MC2R: variants seen among roughly 807,000 people sequenced by gnomAD.
MC2R encodes adrenocorticotropic hormone receptor.
MC2R carries 9 observed loss-of-function variants against 9.8 expected under a neutral mutation model. That is an observed-to-expected ratio of 0.92 (90% confidence interval 0.55 to 1.60). The LOEUF (loss-of-function observed/expected upper bound fraction) is 1.60, where lower values mean the gene tolerates loss of function less well. MC2R is among the 40% of genes most tolerant of loss of function. The pLI, the probability that MC2R is intolerant of heterozygous loss-of-function variation, is 0.00. For synonymous variants in MC2R, 185 were observed against 154.7 expected (o/e 1.20, Z -1.45); for missense variants, 370 against 389.0 (o/e 0.95, Z 0.41).
chr18:13,883,018 C>A lies in MC2R; in HGVS notation c.*1607G>T, dbSNP rs988005030. The A allele has an allele frequency of 1.3e-5, 2 of 152,288 alleles. No homozygotes were observed. The highest frequency in any genetic ancestry group is 4.8e-5 in the African/African-American group (2 of 41,446). The allele number at this position is 152,288 out of a possible 1,614,324, so 9.4% of individuals were successfully genotyped here. A position where few individuals can be genotyped will look rare whatever the true frequency, so the allele number is the denominator to read the frequency against. On this transcript the variant is annotated 3_prime_UTR_variant, in exon 2 of 2. Transcript: ENST00000327606. ...GCCTGCCACTGTCCTCACTTGACTCCAGCTGCCTTGCCTCCTTTGCTTCTG... is the reference window on the plus strand; with the variant it reads ...GCCTGCCACTGTCCTCACTTGACTCAAGCTGCCTTGCCTCCTTTGCTTCTG...
At chr18:13,891,708 T>C (rs1209053890) in intron 1 of MC2R, among the ~76,000 whole-genome samples, 2 of 152,184 alleles carry the variant, frequency 1.3e-5, no homozygotes, top group African/African-American at 4.8e-5. Flanking sequence ...GACATTCCAG[T>C]TGGGGCAATC....
intron 1 of MC2R, among the ~76,000 whole-genome samples, chr18:13,899,870 A>G (rs140113440): frequency 0.025 from 3,841 of 152,286 alleles, 123 homozygotes; most frequent in African/African-American, 0.088. Flanking sequence ...GAGTACTTCA[A>G]TCAGAAAGAA....
Position 13,884,951 on chromosome 18 carries a change from G to A in MC2R, c.568C>T (p.Leu190=). The A allele has an allele frequency of 6.2e-7, 1 of 1,614,146 alleles. No homozygotes were observed. The highest frequency in any genetic ancestry group is 1.7e-5 in the Admixed American group (1 of 60,020). ...AGGAACATGTGCACATAGAGGCACA[G>A]GATGAAGACCAGCATCAGCGGGAAC... ...SLFPLMLVFI[L]CLYVHMFLLA... The change falls in exon 2 of 2, where the codon CTG becomes TTG. Residue 190 remains leucine (L), a synonymous_variant. Coordinates refer to ENST00000327606, the MANE Select transcript of MC2R (RefSeq NM_000529.2).
At chr18:13,909,000 T>C (rs1306216879) in intron 1 of MC2R, among the ~76,000 whole-genome samples, 1 of 152,150 alleles carries the variant, frequency 6.6e-6, no homozygotes, top group African/African-American at 2.4e-5. Flanking sequence ...TGTTATTAAC[T>C]AAAGTCCATG....
intron 1 of MC2R, among the ~76,000 whole-genome samples, chr18:13,898,672 G>C (rs1206165639): frequency 6.6e-6 from 1 of 152,246 alleles, no homozygotes; most frequent in Non-Finnish European, 1.5e-5. Flanking sequence ...GCTCAGAAGA[G>C]AGAGAGAGAC....
At position 13,882,481 on chromosome 18, in the gene MC2R, G is replaced by T. The variant is rs1355952256; in HGVS notation, c.*2144C>A. The T allele has an allele frequency of 6.6e-6, 1 of 152,194 alleles. No individual in the cohort carries two copies. Among genetic ancestry groups the T allele is most frequent in the Non-Finnish European group, 1.5e-5 (1 of 68,030 alleles). 9.4% of individuals were successfully genotyped at this position (152,194 alleles called of 1,614,324 possible). On this transcript the variant is annotated 3_prime_UTR_variant, in exon 2 of 2. Coordinates refer to ENST00000327606, the MANE Select transcript of MC2R (RefSeq NM_000529.2). ...CTAGCCATCTTCATTTTGTTTCTTA[G>T]ATTAACTGCAACAAATCAAAGGCAG...
chr18:13,914,298 G>C (rs1050583958), intron 1 of MC2R, among the ~76,000 whole-genome samples: 1 of 152,234 alleles, frequency 6.6e-6, no homozygotes, highest in African/African-American at 2.4e-5. Flanking sequence ...CTCTTTGTGG[G>C]TGTGTGTCCT....
chr18:13,907,178 A>G (rs1056435256), intron 1 of MC2R, among the ~76,000 whole-genome samples: 28 of 152,250 alleles, frequency 1.8e-4, no homozygotes, highest in African/African-American at 5.1e-4. Context: ...ACAGTTACAC[A>G]GATAAATGGA....
chr18:13,885,082 C>G lies in MC2R; in HGVS notation c.437G>C (p.Arg146Pro). The change falls in exon 2 of 2, where the codon CGC becomes CCC. Residue 146 changes from arginine to proline, a missense_variant. Physicochemically the swap from Arg to Pro is moderately radical, Grantham distance 103 (BLOSUM62 -2). Coordinates refer to ENST00000327606, the MANE Select transcript of MC2R (RefSeq NM_000529.2). ...LRYHSIVTMRRTVVVLTVIWT... is the reference protein window; with the variant it reads ...LRYHSIVTMRPTVVVLTVIWT... ...GATGACCGTAAGCACCACCACAGTG[C>G]GGCGCATGGTCACGATGCTGTGGTA... The G allele has an allele frequency of 6.2e-7, 1 of 1,614,090 alleles. No homozygotes were observed. Among genetic ancestry groups the G allele is most frequent in the Non-Finnish European group, 8.5e-7 (1 of 1,179,986 alleles).
At chr18:13,906,900 C>G (rs2045417506) in intron 1 of MC2R, among the ~76,000 whole-genome samples, 1 of 152,162 alleles carries the variant, frequency 6.6e-6, no homozygotes, top group South Asian at 2.1e-4. Flanking sequence ...GAACAATATT[C>G]TATGCTCATG....
At chr18:13,913,401 T>G (rs1473663780) in intron 1 of MC2R, among the ~76,000 whole-genome samples, 1 of 152,218 alleles carries the variant, frequency 6.6e-6, no homozygotes, top group Non-Finnish European at 1.5e-5. Flanking sequence ...GTTTTGATGC[T>G]GGGACACCTA....
intron 1 of MC2R, among the ~76,000 whole-genome samples, chr18:13,907,054 G>A (rs957747387): frequency 2.0e-5 from 3 of 152,194 alleles, no homozygotes; most frequent in Non-Finnish European, 4.4e-5. Flanking sequence ...AAAAGACCCT[G>A]AATAGCTAAA....
chr18:13,915,247 G>A lies in MC2R; in HGVS notation c.-129+241C>T, dbSNP rs191448630. 1.4e-4 allele frequency among the ~76,000 whole-genome samples: 21 copies of A among 152,250 alleles called. 1 individual carries two copies. Among genetic ancestry groups the A allele is most frequent in the Admixed American group, 1.1e-3 (17 of 15,304 alleles). The stretch of plus-strand genomic sequence containing the variant: ...TGACAATTTGAAGAGTACTAGAGAA[G>A]CCAATAAATTCATTAATAGGGAAGA... On this transcript the variant is annotated intron_variant, in intron 1 of 1. Transcript: ENST00000327606.
chr18:13,908,080 C>T (rs555378403), intron 1 of MC2R, among the ~76,000 whole-genome samples: 10 of 152,202 alleles, frequency 6.6e-5, no homozygotes, highest in Non-Finnish European at 1.3e-4. Context: ...ATCTGTACTA[C>T]CATGTTTATT....
chr18:13,897,567 C>A (rs1264747785), intron 1 of MC2R, among the ~76,000 whole-genome samples: 1 of 152,126 alleles, frequency 6.6e-6, no homozygotes, highest in Non-Finnish European at 1.5e-5. Context: ...CACCTCTCCT[C>A]TAACTCTAAG....
intron 1 of MC2R, among the ~76,000 whole-genome samples, chr18:13,901,431 A>C (rs2045379314): frequency 6.6e-6 from 1 of 152,058 alleles, no homozygotes; most frequent in Non-Finnish European, 1.5e-5. Flanking sequence ...GAAGAAAACA[A>C]TACAAAGGAT....
At chr18:13,904,905 T>G (rs2045404095) in intron 1 of MC2R, among the ~76,000 whole-genome samples, 1 of 152,156 alleles carries the variant, frequency 6.6e-6, no homozygotes, top group South Asian at 2.1e-4. Context: ...ATTAAATACT[T>G]AAATGTAAAA....
At chr18:13,911,334 A>C (rs1216505762) in intron 1 of MC2R, among the ~76,000 whole-genome samples, 1 of 152,208 alleles carries the variant, frequency 6.6e-6, no homozygotes, top group African/African-American at 2.4e-5. Flanking sequence ...CTAGTACTAA[A>C]TTCTTCCCTG....
intron 1 of MC2R, among the ~76,000 whole-genome samples, chr18:13,898,498 G>C (rs1322444186): frequency 6.6e-6 from 1 of 152,244 alleles, no homozygotes. Context: ...TCCACCTGCG[G>C]ATTGTAGAGC....
Sources: allele counts gnomAD v4.1 joint callset (sites outside exome capture counted in the v4.1 genomes callset), GRCh38; gene constraint gnomAD v4.1.1; transcripts MANE v1.5; gene names NCBI Gene and HGNC (gene_info 2026-07-23, HGNC 2026-07-21).